The following PLXDC2 variants were observed in gnomAD, a reference collection of about 807,000 sequenced individuals.
The protein encoded by PLXDC2 is plexin domain-containing protein 2.
PLXDC2 carries 40 observed loss-of-function variants against 68.9 expected under a neutral mutation model. That is an observed-to-expected ratio of 0.58 (90% CI 0.45 to 0.76). The LOEUF is 0.76. Among genes scored for constraint, PLXDC2 ranks in the 30% least tolerant of loss-of-function variants. The pLI, the probability that PLXDC2 is intolerant of heterozygous loss-of-function variation, is 0.00. For synonymous variants in PLXDC2, 243 were observed against 234.2 expected (o/e 1.04, Z -0.34); for missense variants, 644 against 661.9 (o/e 0.97, Z 0.30).
intron 2 of PLXDC2, among the ~76,000 whole-genome samples, chr10:20,018,297 A>G (rs1835247341): frequency 6.7e-6 from 1 of 149,122 alleles, no homozygotes; most frequent in Non-Finnish European, 1.5e-5. Context: ...TGTTTTCCCC[A>G]TACTATGTTG....
intron 1 of PLXDC2, among the ~76,000 whole-genome samples, chr10:19,832,652 G>A (rs554097278): frequency 1.6e-4 from 24 of 152,316 alleles, no homozygotes; most frequent in African/African-American, 5.5e-4. Context: ...TTAATTCACT[G>A]TGTGAGATAG....
At chr10:20,132,305 G>T (rs1833877561) in intron 4 of PLXDC2, among the ~76,000 whole-genome samples, 1 of 152,142 alleles carries the variant, frequency 6.6e-6, no homozygotes, top group South Asian at 2.1e-4. Flanking sequence ...CATTTGTAAA[G>T]AATGTATATT....
At chr10:19,968,535 A>G (rs1349556590) in intron 1 of PLXDC2, among the ~76,000 whole-genome samples, 1 of 151,790 alleles carries the variant, frequency 6.6e-6, no homozygotes, top group African/African-American at 2.4e-5. Context: ...CTGGTCTCGA[A>G]CTCCTGGACT....
chr10:19,974,160 GAGAA>G (rs1254956998), intron 1 of PLXDC2, among the ~76,000 whole-genome samples: 1 of 152,212 alleles, frequency 6.6e-6, no homozygotes, highest in East Asian at 1.9e-4. Flanking sequence ...TGAAAAGCTA[GAGAA>G]AGACTCAAAT....
rs567201529 is a variant in PLXDC2 at position 20,026,473 on chromosome 10, T to A, written c.325-20396T>A. Among the ~76,000 whole-genome samples the A allele has an allele frequency of 2.0e-5, 3 of 152,166 alleles. No individual in the cohort carries two copies. The South Asian group carries it at 6.2e-4, about 32-fold the overall frequency. On this transcript the variant is annotated intron_variant, in intron 2 of 13. Coordinates refer to ENST00000377252, the MANE Select transcript of PLXDC2 (RefSeq NM_032812.9). The stretch of plus-strand genomic sequence containing the variant: ...TTATCTCCTTGAAGGAAAGAAAAAA[T>A]AAGTGAAGTGGTATCTTTTCAGGAA...
At chr10:20,235,923 A>G (rs1051382785) in intron 12 of PLXDC2, among the ~76,000 whole-genome samples, 3 of 152,136 alleles carry the variant, frequency 2.0e-5, no homozygotes, top group South Asian at 4.1e-4. Context: ...TTGATATTCC[A>G]TAGTCACTAT....
chr10:19,995,983 GAC>G (rs928743071), intron 1 of PLXDC2, among the ~76,000 whole-genome samples: 5 of 152,178 alleles, frequency 3.3e-5, no homozygotes, highest in Admixed American at 6.5e-5. Context: ...GCATGATGGG[GAC>G]AAGGAAGAGA....
chr10:20,261,652 T>C (rs1195864702), intron 13 of PLXDC2, among the ~76,000 whole-genome samples: 1 of 152,042 alleles, frequency 6.6e-6, no homozygotes, highest in Non-Finnish European at 1.5e-5. Flanking sequence ...GCTGGGAGTT[T>C]GAGACCAGCC....
chr10:20,126,900 T>C (rs1833800076), intron 4 of PLXDC2, among the ~76,000 whole-genome samples: 1 of 147,950 alleles, frequency 6.8e-6, no homozygotes, highest in Non-Finnish European at 1.5e-5. Flanking sequence ...ATATAATATA[T>C]GTATATATGT....
At chr10:19,953,339 T>C (rs1003415663) in intron 1 of PLXDC2, among the ~76,000 whole-genome samples, 3 of 152,094 alleles carry the variant, frequency 2.0e-5, no homozygotes, top group African/African-American at 7.2e-5. Context: ...AGTAGTGACA[T>C]TTGATTTAAG....
rs1836350288 is a variant in PLXDC2, at chr10:19,816,792, G to A, written c.-288G>A. 6.1e-6 allele frequency: 3 copies of A among 494,592 alleles called. No individual in the cohort carries two copies. The South Asian group carries it at 8.4e-5, about 14-fold the overall frequency. The allele number at this position is 494,592 out of a possible 1,614,324, so 30.6% of individuals were successfully genotyped here. On this transcript the variant is annotated 5_prime_UTR_variant, in exon 1 of 14. Coordinates refer to ENST00000377252, the MANE Select transcript of PLXDC2 (RefSeq NM_032812.9). ...AACCGACAGTTTGCGAGCCTCGGCTGCAAGTGGCCTCTCCTCCCCGCGGTT... is the reference window on the plus strand; with the variant it reads ...AACCGACAGTTTGCGAGCCTCGGCTACAAGTGGCCTCTCCTCCCCGCGGTT...
At chr10:19,874,173 T>C (rs1032993758) in intron 1 of PLXDC2, among the ~76,000 whole-genome samples, 3 of 152,222 alleles carry the variant, frequency 2.0e-5, no homozygotes, top group African/African-American at 7.2e-5. Context: ...CAGCAGCAAG[T>C]GTAGGACTAT....
In PLXDC2 at chr10:20,081,259, C is replaced by G. The variant is rs140836947; in HGVS notation, c.541+13020C>G. 2.9e-4 allele frequency among the ~76,000 whole-genome samples: 44 copies of G among 152,028 alleles called. 1 individual carries two copies. Among genetic ancestry groups the G allele is most frequent in the Non-Finnish European group, 4.3e-4 (29 of 68,012 alleles). ...CAAGAATCAAGACTTTAGGGAAATA[C>G]ATCTGGAATGCTATATCCAGGGAGG... On this transcript the variant is annotated intron_variant, in intron 4 of 13. Coordinates refer to ENST00000377252, the MANE Select transcript of PLXDC2 (RefSeq NM_032812.9).
intron 13 of PLXDC2, among the ~76,000 whole-genome samples, chr10:20,259,825 C>T (rs910118675): frequency 5.9e-5 from 9 of 152,170 alleles, no homozygotes; most frequent in African/African-American, 2.2e-4. Flanking sequence ...ACAAGGAATT[C>T]TCAAAACTGA....
In PLXDC2 at chr10:19,850,584, C is replaced by T. The variant is rs376787531; in HGVS notation, c.112+33393C>T. Among the ~76,000 whole-genome samples the T allele has an allele frequency of 3.9e-5, 6 of 152,166 alleles. No homozygotes were observed. In the East Asian group the frequency reaches 7.7e-4, roughly 20 times the overall value. On this transcript the variant is annotated intron_variant, in intron 1 of 13. Coordinates refer to ENST00000377252, the MANE Select transcript of PLXDC2 (RefSeq NM_032812.9). ...CCAACTAATCGTCTAATTGGTTCCT[C>T]CATGTCCACCACTTACACACCCATA... is the stretch of plus-strand genomic sequence containing the variant.
chr10:20,085,178 G>A (rs575715036), intron 4 of PLXDC2, among the ~76,000 whole-genome samples: 1 of 144,540 alleles, frequency 6.9e-6, no homozygotes, highest in Non-Finnish European at 1.5e-5. Context: ...AAAAAAAGGT[G>A]GGGGGAGCCT....
intron 1 of PLXDC2, among the ~76,000 whole-genome samples, chr10:19,853,239 A>C (rs1837153814): frequency 6.6e-6 from 1 of 152,202 alleles, no homozygotes; most frequent in Admixed American, 6.5e-5. Context: ...ATCACAGTTC[A>C]TTAGAAGCAA....
intron 2 of PLXDC2, among the ~76,000 whole-genome samples, chr10:20,006,613 A>G (rs1835032543): frequency 1.3e-5 from 2 of 152,224 alleles, no homozygotes; most frequent in South Asian, 4.1e-4. Flanking sequence ...CCAAACCAAC[A>G]CAAGACAATA....
At chr10:20,142,208 A>G (rs1207743581) in intron 4 of PLXDC2, among the ~76,000 whole-genome samples, 1 of 152,094 alleles carries the variant, frequency 6.6e-6, no homozygotes, top group African/African-American at 2.4e-5. Flanking sequence ...TTGAGCTTTA[A>G]ATATTATTAT....
Sources: allele counts gnomAD v4.1 joint callset (sites outside exome capture counted in the v4.1 genomes callset), GRCh38; gene constraint gnomAD v4.1.1; transcripts MANE v1.5; gene names NCBI Gene and HGNC (gene_info 2026-07-23, HGNC 2026-07-21).